ZDHHC11: variants seen among roughly 807,000 people sequenced by gnomAD.
ZDHHC11 encodes zDHHC palmitoyltransferase 11.
A neutral mutation model predicts 51.3 loss-of-function variants in ZDHHC11; 44 were observed. The observed-to-expected ratio is 0.86, with a 90% CI of 0.67 to 1.10. ZDHHC11 has a LOEUF of 1.10. Among genes scored for constraint, ZDHHC11 ranks in the 50% least tolerant of loss-of-function variants. The pLI is 0.00. For missense variants in ZDHHC11, 400 were observed against 537.7 expected (o/e 0.74, Z 2.53); for synonymous variants, 163 against 222.0 (o/e 0.73, Z 2.36).
chr5:816,544 T>C (rs1407269138), intron 10 of ZDHHC11: 7 of 570,972 alleles, frequency 1.2e-5, no homozygotes, highest in Non-Finnish European at 2.4e-5. Context: ...AAAAGATACT[T>C]CTGGAAAAAT....
At chr5:843,946 GCAGGGC>G (rs1745615541) in intron 3 of ZDHHC11, among the ~76,000 whole-genome samples, 1 of 86,268 alleles carries the variant, frequency 1.2e-5, no homozygotes, top group African/African-American at 1.6e-4. Flanking sequence ...GCGGGGGCAT[GCAGGGC>G]AGGTGGGGGG....
chr5:825,174 G>A lies in ZDHHC11; in HGVS notation c.1013C>T (p.Ser338Leu), dbSNP rs530032472. The A allele has an allele frequency of 3.5e-4, 568 of 1,612,244 alleles. 22 individuals are homozygous for A. The South Asian group carries it at 5.8e-3, about 17-fold the overall frequency. Residue 338 changes from serine (S) to leucine (L), a missense_variant, in exon 8 of 13, where the codon TCG (serine) becomes TTG (leucine). Physicochemically the swap from Ser to Leu is moderately radical, Grantham distance 145 (BLOSUM62 -2). Transcript: ENST00000283441. ...GTGACTGCAACTTACCCGTGCCGTCGAATCCCCATCCTGGTTTACTGAAGT... is the reference window on the plus strand; with the variant it reads ...GTGACTGCAACTTACCCGTGCCGTCAAATCCCCATCCTGGTTTACTGAAGT... Reference protein sequence around the residue: ...FCTSVNQDGDSTAREGDEDPC... With the variant: ...FCTSVNQDGDLTAREGDEDPC...
At chr5:843,912 A>G (rs1169742748) in intron 3 of ZDHHC11, among the ~76,000 whole-genome samples, 188 bp from the exon 4 acceptor site, 6 of 105,304 alleles carry the variant, frequency 5.7e-5, no homozygotes, top group African/African-American at 9.8e-5. Context: ...AGGGGCAGGG[A>G]CACGCAGGGC....
chr5:837,209 C>G (rs1299727689), intron 6 of ZDHHC11, among the ~76,000 whole-genome samples, 156 bp downstream of exon 6: 2 of 152,050 alleles, frequency 1.3e-5, no homozygotes, highest in African/African-American at 4.8e-5. Context: ...ATAGACACAC[C>G]CATGCACAGA....
chr5:838,733 A>G (rs1447795056), intron 5 of ZDHHC11, among the ~76,000 whole-genome samples: 1 of 152,160 alleles, frequency 6.6e-6, no homozygotes, highest in East Asian at 1.9e-4. Context: ...TGCCTGGCTC[A>G]GAGGACAGAC....
chr5:831,108 T>A (rs979631232), intron 7 of ZDHHC11, among the ~76,000 whole-genome samples: 4 of 149,316 alleles, frequency 2.7e-5, no homozygotes, highest in African/African-American at 9.8e-5. Flanking sequence ...AGAACAAAGA[T>A]AAATAGATGC....
chr5:804,313 T>C (rs541331909), intron 11 of ZDHHC11, among the ~76,000 whole-genome samples: 11 of 151,280 alleles, frequency 7.3e-5, no homozygotes, highest in Non-Finnish European at 1.6e-4. Context: ...AATCTGCCCA[T>C]TAATGTACAG....
intron 7 of ZDHHC11, among the ~76,000 whole-genome samples, chr5:827,523 A>T (rs1324964030): frequency 7.3e-5 from 11 of 150,902 alleles, no homozygotes; most frequent in Admixed American, 5.9e-4. Context: ...AACTTAAGGT[A>T]AAGTGGCAGA....
Position 814,770 on chromosome 5 carries a change from G to T in ZDHHC11, c.1172C>A (p.Ser391Tyr). The T allele has an allele frequency of 6.4e-7, 1 of 1,561,786 alleles. No individual in the cohort carries two copies. Among genetic ancestry groups the T allele is most frequent in the Non-Finnish European group, 8.7e-7 (1 of 1,154,110 alleles). ...AAACTTACGAACTTACCCAAGTGTA[G>T]ATATACTCGGGGCATCATCTGCTTC... ...AQEADDAPSI[S>Y]TLGLQQETTE... is the part of the protein sequence containing the mutation. The change falls in exon 11 of 13, where the codon TCT becomes TAT. Residue 391 changes from serine to tyrosine, a missense_variant. Ser to Tyr is a moderately radical substitution (Grantham distance 144). This residue lies in a region of ZDHHC11 where 231 missense variants were observed against 227.4 expected (regional missense o/e 1.02). Coordinates refer to ENST00000283441, the MANE Select transcript of ZDHHC11 (RefSeq NM_024786.3).
intron 1 of ZDHHC11, among the ~76,000 whole-genome samples, chr5:856,691 A>G (rs978473067): frequency 3.9e-4 from 59 of 151,478 alleles, no homozygotes; most frequent in African/African-American, 1.3e-3. Context: ...GACACCAACC[A>G]CAAACGCATC....
At chr5:824,047 A>C (rs1338178068) in intron 8 of ZDHHC11, 3 of 454,648 alleles carry the variant, frequency 6.6e-6, no homozygotes, top group Middle Eastern at 3.2e-4. Context: ...TTTCCAAGTC[A>C]CAGGAGCCTG....
chr5:852,692 C>T (rs1336975447), upstream of ZDHHC11, among the ~76,000 whole-genome samples: 2 of 149,260 alleles, frequency 1.3e-5, no homozygotes, highest in Non-Finnish European at 3.0e-5. Flanking sequence ...GGACAGACCA[C>T]ACGGAGGACA....
At chr5:855,497 G>T (rs1308474030), upstream of ZDHHC11, among the ~76,000 whole-genome samples, 1 of 141,876 alleles carries the variant, frequency 7.0e-6, no homozygotes, top group Admixed American at 6.9e-5. Flanking sequence ...CCCCACAGAG[G>T]ACAGCAAGCT....
chr5:846,359 T>C (rs1579787742), intron 3 of ZDHHC11, among the ~76,000 whole-genome samples: 1 of 151,072 alleles, frequency 6.6e-6, no homozygotes, highest in Non-Finnish European at 1.5e-5. Flanking sequence ...GCAGGCGTGG[T>C]TCTTTTCCCT....
At position 801,161 on chromosome 5, in the gene ZDHHC11, C is replaced by A; in HGVS notation, c.1185G>T (p.Leu395=). Reference sequence around the variant, plus strand: ...TCATGGGCTCTGTTGTTTCTTGTTGCAGCCTGTTTGCAATATTCAGAAAGA... The same window carrying A: ...TCATGGGCTCTGTTGTTTCTTGTTGAAGCCTGTTTGCAATATTCAGAAAGA... ...DDAPSISTLG[L]QQETTEPMKT... is the part of the protein sequence containing the mutation. Residue 395 remains leucine (L), a synonymous_variant, in exon 12 of 13, where the codon CTG becomes CTT. Transcript: ENST00000283441. The A allele has an allele frequency of 6.2e-7, 1 of 1,610,948 alleles. No individual in the cohort carries two copies. The highest frequency in any genetic ancestry group is 8.5e-7 in the Non-Finnish European group (1 of 1,177,912).
In ZDHHC11 at chr5:795,850, TCCC is replaced by T; in HGVS notation, c.*735_*737del. On this transcript the variant is annotated 3_prime_UTR_variant, in exon 13 of 13. Coordinates refer to ENST00000283441, the MANE Select transcript of ZDHHC11 (RefSeq NM_024786.3). ...GTGCTCCCATTTCCCAGTACTATGC[TCCC>T]ATTTCCGAGTACTGTGAACTCCCCT... The T allele has an allele frequency of 1.0e-5, 1 of 100,322 alleles. No homozygotes were observed. The highest frequency in any genetic ancestry group is 1.7e-5 in the Non-Finnish European group (1 of 57,228). 6.2% of individuals were successfully genotyped at this position (100,322 alleles called of 1,614,324 possible).
intron 11 of ZDHHC11, 95 bp downstream of exon 11, chr5:814,666 G>T (rs1358933812): frequency 3.1e-6 from 4 of 1,286,108 alleles, no homozygotes; most frequent in Non-Finnish European, 1.0e-6. Context: ...CAGATTATTT[G>T]AACATGTTAA....
At chr5:835,464 C>A (rs388474) in intron 6 of ZDHHC11, among the ~76,000 whole-genome samples, 11,781 of 148,222 alleles carry the variant, frequency 0.079, 572 homozygotes, top group African/African-American at 0.16. Flanking sequence ...GTCTCTCTCT[C>A]TGTCAGCGCC....
chr5:813,265 T>C (rs957784641), intron 11 of ZDHHC11, among the ~76,000 whole-genome samples: 1 of 141,534 alleles, frequency 7.1e-6, no homozygotes, highest in Non-Finnish European at 1.5e-5. Flanking sequence ...GTGGCAAAGG[T>C]TGTAGTGACC....
Sources: gnomAD v4.1 joint callset for allele counts (sites outside exome capture counted in the v4.1 genomes callset) on GRCh38, gnomAD v4.1.1 for gene constraint, gnomAD v4.1.1 regional missense constraint, MANE v1.5 for transcripts, NCBI Gene and HGNC (gene_info 2026-07-23, HGNC 2026-07-21) for gene names.